The following ATP5MF variants were observed in gnomAD, a reference collection of about 807,000 sequenced individuals.
ATP5MF encodes the protein ATP synthase F(0) complex subunit f, mitochondrial.
ATP5MF carries 10 observed loss-of-function variants against 13.8 expected under a neutral mutation model. The ratio of observed to expected loss-of-function variants is 0.72; its 90% CI spans 0.45 to 1.23. The LOEUF (loss-of-function observed/expected upper bound fraction) is 1.23, where lower values mean the gene tolerates loss of function less well. Among genes scored for constraint, ATP5MF ranks in the 50% most tolerant of loss-of-function variants. ATP5MF has a pLI of 0.00. For synonymous variants in ATP5MF, 40 were observed against 45.8 expected (o/e 0.87, Z 0.51); for missense variants, 122 against 118.2 (o/e 1.03, Z -0.15).
At chr7:99,463,846 A>G (rs2151031761) in intron 1 of ATP5MF, among the ~76,000 whole-genome samples, 1 of 152,342 alleles carries the variant, frequency 6.6e-6, no homozygotes, top group South Asian at 2.1e-4. Flanking sequence ...TGGCCAGACA[A>G]AAACAGGCCA....
intron 1 of ATP5MF, among the ~76,000 whole-genome samples, chr7:99,461,166 A>C (rs1798583913): frequency 6.6e-6 from 1 of 152,094 alleles, no homozygotes; most frequent in African/African-American, 2.4e-5. Context: ...TAAGAAAGGA[A>C]TCGTCTCCCC....
chr7:99,465,499 C>T (rs1798831523), intron 1 of ATP5MF, among the ~76,000 whole-genome samples: 1 of 152,088 alleles, frequency 6.6e-6, no homozygotes, highest in Admixed American at 6.6e-5. Context: ...GTGTGCACAG[C>T]GGGATGAATG....
Position 99,466,161 on chromosome 7 carries a change from C to T in ATP5MF, c.-20G>A, listed in dbSNP as rs772698025. 1 of 1,614,164 alleles carries T rather than the reference C, an allele frequency of 6.2e-7. No homozygotes were observed. Among genetic ancestry groups the T allele is most frequent in the South Asian group, 1.1e-5 (1 of 91,088 alleles). Reference sequence around the variant, plus strand: ...CGCCATTTTGGAGTCCTGGTGTCCGCTGTGCCGGACCGCGCGAGGGCTGCT... The same window carrying T: ...CGCCATTTTGGAGTCCTGGTGTCCGTTGTGCCGGACCGCGCGAGGGCTGCT... On this transcript the variant is annotated 5_prime_UTR_variant, in exon 1 of 4. Transcript: ENST00000292475.
intron 1 of ATP5MF, among the ~76,000 whole-genome samples, chr7:99,464,890 C>T (rs574805173): frequency 1.3e-5 from 2 of 151,806 alleles, no homozygotes; most frequent in South Asian, 2.1e-4. Context: ...ATCATTTGAA[C>T]CTGGGAGGCA....
In ATP5MF at chr7:99,465,580, T is replaced by G. The variant is rs181072853; in HGVS notation, c.31+531A>C. On this transcript the variant is annotated intron_variant, in intron 1 of 3. Coordinates refer to ENST00000292475, the MANE Select transcript of ATP5MF (RefSeq NM_004889.5). ...GGCCGTCCTAGAGAATAAAGTTCAT[T>G]TACCACGAATCCTCAGGTTTGAATA... 7.9e-5 allele frequency among the ~76,000 whole-genome samples: 12 copies of G among 152,248 alleles called. 1 individual carries two copies. Among genetic ancestry groups the G allele is most frequent in the African/African-American group, 2.9e-4 (12 of 41,550 alleles).
intron 2 of ATP5MF, 72 bp from the exon 3 acceptor site, chr7:99,459,335 C>G: frequency 8.7e-7 from 1 of 1,148,230 alleles, no homozygotes; most frequent in Admixed American, 1.7e-5. Flanking sequence ...ACAGTTGAGT[C>G]TGGCTGACAT....
chr7:99,460,549 C>T (rs1798554524), intron 1 of ATP5MF: 1 of 527,462 alleles, frequency 1.9e-6, no homozygotes, highest in Non-Finnish European at 3.7e-6. Flanking sequence ...ATTTAATCTT[C>T]ACAACAAGCA....
intron 1 of ATP5MF, among the ~76,000 whole-genome samples, chr7:99,465,574 G>T (rs1317609404): frequency 6.6e-6 from 1 of 152,140 alleles, no homozygotes; most frequent in Non-Finnish European, 1.5e-5. Context: ...AGAGAATAAA[G>T]TTCATTTACC....
At chr7:99,459,697 A>T in intron 2 of ATP5MF, 1 of 254,558 alleles carries the variant, frequency 3.9e-6, no homozygotes, top group South Asian at 5.5e-5. Flanking sequence ...TACAGGCATA[A>T]GCCACCACAC....
At chr7:99,460,647 T>A in intron 1 of ATP5MF, 1 of 420,632 alleles carries the variant, frequency 2.4e-6, no homozygotes, top group South Asian at 1.7e-5. Flanking sequence ...CAACGTGGGG[T>A]CAGGACTGGC....
In ATP5MF at chr7:99,463,534, C is replaced by G. The variant is rs538967288; in HGVS notation, c.31+2577G>C. 2.0e-5 allele frequency among the ~76,000 whole-genome samples: 3 copies of G among 152,140 alleles called. No individual in the cohort carries two copies. In the East Asian group the frequency reaches 5.8e-4, roughly 29 times the overall value. On this transcript the variant is annotated intron_variant, in intron 1 of 3. Coordinates refer to ENST00000292475, the MANE Select transcript of ATP5MF (RefSeq NM_004889.5). ...GGCTCACGTCTGTAATCCCAGCACT[C>G]TGGGAGGCCAAGGCAGGAGGATCAC...
At chr7:99,458,913 A>T in intron 3 of ATP5MF, 1 of 522,874 alleles carries the variant, frequency 1.9e-6, no homozygotes, top group Non-Finnish European at 3.4e-6. Context: ...TACTCTCTTT[A>T]CCCTGGCTTC....
intron 1 of ATP5MF, among the ~76,000 whole-genome samples, chr7:99,462,774 A>G (rs1188777441): frequency 1.3e-5 from 2 of 152,152 alleles, no homozygotes; most frequent in Non-Finnish European, 2.9e-5. Context: ...ATGCATCTAT[A>G]CTTATTCCAC....
At chr7:99,463,348 A>G (rs374974507) in intron 1 of ATP5MF, among the ~76,000 whole-genome samples, 7 of 152,358 alleles carry the variant, frequency 4.6e-5, no homozygotes, top group African/African-American at 1.7e-4. Context: ...TTATTTTTAA[A>G]CAATCTTTTT....
At chr7:99,460,315 G>A (rs1798543611) in intron 1 of ATP5MF, 122 bp from the exon 2 acceptor site, 2 of 1,047,548 alleles carry the variant, frequency 1.9e-6, no homozygotes, top group Middle Eastern at 2.1e-4. Flanking sequence ...CACAGAGGCT[G>A]CACATACACA....
At chr7:99,462,042 T>A (rs878993389) in intron 1 of ATP5MF, among the ~76,000 whole-genome samples, 1 of 151,988 alleles carries the variant, frequency 6.6e-6, no homozygotes, top group Admixed American at 6.6e-5. Context: ...CATTACCATG[T>A]TCAGGGGCTG....
chr7:99,465,825 T>C (rs991942632), intron 1 of ATP5MF, among the ~76,000 whole-genome samples: 10 of 152,182 alleles, frequency 6.6e-5, no homozygotes, highest in African/African-American at 2.4e-4. Context: ...GAAGCGGCTA[T>C]TTCTTAGCGG....
At chr7:99,461,018 C>T (rs1318381075) in intron 1 of ATP5MF, among the ~76,000 whole-genome samples, 2 of 152,154 alleles carry the variant, frequency 1.3e-5, no homozygotes, top group African/African-American at 4.8e-5. Context: ...GGCCCCAGAT[C>T]GTATTCCAAT....
chr7:99,460,023 C>CA (rs1214400856), intron 2 of ATP5MF, 63 bp downstream of exon 2: 13 of 1,541,344 alleles, frequency 8.4e-6, no homozygotes, highest in African/African-American at 1.4e-5. Flanking sequence ...TAATTCATGG[C>CA]AAAAAAGAGA....
Sources: allele counts gnomAD v4.1 joint callset (sites outside exome capture counted in the v4.1 genomes callset), GRCh38; gene constraint gnomAD v4.1.1; transcripts MANE v1.5; gene names NCBI Gene and HGNC (gene_info 2026-07-23, HGNC 2026-07-21).